NAA11: variants seen among roughly 807,000 people sequenced by gnomAD.
NAA11 encodes the protein N-alpha-acetyltransferase 11, NatA catalytic subunit, also known as N-alpha-acetyltransferase 11.
NAA11 carries 15 observed loss-of-function variants against 16.1 expected under a neutral mutation model. That is an observed-to-expected ratio of 0.93 (90% CI 0.62 to 1.44). The LOEUF is 1.44. Ranked by LOEUF, NAA11 falls within the 40% of genes most tolerant of loss-of-function variation. The pLI, the probability that NAA11 is intolerant of heterozygous loss-of-function variation, is 0.00. For missense variants in NAA11, 298 were observed against 291.3 expected, an observed-to-expected ratio of 1.02 and a Z score of -0.17; for synonymous variants, 122 against 112.4, an observed-to-expected ratio of 1.09 and a Z score of -0.54.
At chr4:79,244,182 G>A (rs1232131159) in intron 2 of NAA11, among the ~76,000 whole-genome samples, 2 of 152,204 alleles carry the variant, frequency 1.3e-5, no homozygotes, top group African/African-American at 2.4e-5. Flanking sequence ...TGGCTGCCAA[G>A]TTATCGCTTT....
intron 1 of NAA11, among the ~76,000 whole-genome samples, chr4:79,300,883 TATG>T (rs1723364935): frequency 1.3e-5 from 2 of 152,142 alleles, no homozygotes; most frequent in Non-Finnish European, 2.9e-5. Context: ...TCGTGTCAGG[TATG>T]ATAAGGGCCT....
the NAA11 span, among the ~76,000 whole-genome samples, chr4:79,182,098 C>A: frequency 1.3e-5 from 2 of 152,090 alleles, no homozygotes; most frequent in Non-Finnish European, 2.9e-5. Flanking sequence ...ACTATTAGGG[C>A]AGGGAATGTC....
At chr4:79,294,704 C>T (rs1235459276) in intron 1 of NAA11, among the ~76,000 whole-genome samples, 2 of 151,924 alleles carry the variant, frequency 1.3e-5, no homozygotes, top group Non-Finnish European at 2.9e-5. Context: ...TCTGTATCCT[C>T]GAGGAAAGAG....
At chr4:79,286,317 A>G (rs1722905574) in intron 2 of NAA11, among the ~76,000 whole-genome samples, 2 of 152,100 alleles carry the variant, frequency 1.3e-5, no homozygotes, top group Admixed American at 1.3e-4. Context: ...ATAGAAAGCA[A>G]ATATACACCA....
the NAA11 span, among the ~76,000 whole-genome samples, chr4:79,198,580 T>G: frequency 6.6e-6 from 1 of 151,932 alleles, no homozygotes; most frequent in East Asian, 1.9e-4. Flanking sequence ...CTAGTTGGCA[T>G]TTTCCACATG....
chr4:79,215,061 A>T, the NAA11 span, among the ~76,000 whole-genome samples: 8 of 152,132 alleles, frequency 5.3e-5, no homozygotes, highest in Non-Finnish European at 1.2e-4. Flanking sequence ...CTGATCATGA[A>T]TTTCTCATAT....
chr4:79,187,144 A>G, the NAA11 span, among the ~76,000 whole-genome samples: 1 of 152,208 alleles, frequency 6.6e-6, no homozygotes, highest in Non-Finnish European at 1.5e-5. Flanking sequence ...GCATTTTCTC[A>G]AATAATTTCC....
At chr4:79,274,804 A>T (rs1722609542) in intron 2 of NAA11, among the ~76,000 whole-genome samples, 1 of 152,084 alleles carries the variant, frequency 6.6e-6, no homozygotes, top group Non-Finnish European at 1.5e-5. Flanking sequence ...TATAGTCTCG[A>T]GCAGCACATT....
intron 2 of NAA11, among the ~76,000 whole-genome samples, chr4:79,265,761 T>TG (rs35528730): frequency 0.44 from 67,162 of 151,742 alleles, 15,267 homozygotes; most frequent in Middle Eastern, 0.56. Context: ...CCAGATTCTG[T>TG]GTTTTTTTTT....
intron 2 of NAA11, among the ~76,000 whole-genome samples, chr4:79,234,562 C>A (rs1383192774): frequency 1.3e-5 from 2 of 152,104 alleles, no homozygotes. Context: ...TGAATTTAGA[C>A]CACATTGCTT....
At chr4:79,190,329 C>T in the NAA11 span, among the ~76,000 whole-genome samples, 1 of 152,148 alleles carries the variant, frequency 6.6e-6, no homozygotes, top group Non-Finnish European at 1.5e-5. Context: ...TCTGTGGCCT[C>T]ATACGTAAAA....
At chr4:79,307,081 G>A (rs898093315) in intron 1 of NAA11, 1 of 152,224 alleles carries the variant, frequency 6.6e-6, no homozygotes, top group African/African-American at 2.4e-5. Context: ...CCAGTTGACA[G>A]AACTGTTTAA....
chr4:79,307,665 C>A (rs1723629783), intron 1 of NAA11, among the ~76,000 whole-genome samples: 1 of 152,086 alleles, frequency 6.6e-6, no homozygotes, highest in South Asian at 2.1e-4. Context: ...AGCTGGGAGA[C>A]ACATAAAACC....
the NAA11 span, among the ~76,000 whole-genome samples, chr4:79,206,740 G>A: frequency 1.3e-4 from 20 of 152,164 alleles, no homozygotes; most frequent in Admixed American, 5.2e-4. Context: ...AAGGGAAATC[G>A]GACACAGCAA....
chr4:79,168,922 T>C, the NAA11 span, among the ~76,000 whole-genome samples: 4 of 152,232 alleles, frequency 2.6e-5, no homozygotes, highest in Admixed American at 1.3e-4. Context: ...GGACACAAAA[T>C]CAATGTGCAG....
At position 79,326,040 on chromosome 4, in the gene NAA11, A is replaced by G. The variant is rs1724273563; in HGVS notation, c.-163T>C. 1 of 624,998 alleles carries G rather than the reference A, an allele frequency of 1.6e-6. No homozygotes were observed. Among genetic ancestry groups the G allele is most frequent in the African/African-American group, 1.8e-5 (1 of 54,168 alleles). 38.7% of individuals were successfully genotyped at this position (624,998 alleles called of 1,614,324 possible). A position where few individuals can be genotyped will look rare whatever the true frequency, so the allele number is the denominator to read the frequency against. ...GGCGGGAAGGCGGAAGGAGCAGGAG[A>G]TGGAAAAGATGGTGCCAAACTGCGG... On this transcript the variant is annotated 5_prime_UTR_variant, in exon 1 of 2. Coordinates refer to ENST00000286794, the MANE Select transcript of NAA11 (RefSeq NM_032693.3).
chr4:79,179,931 A>C, the NAA11 span, among the ~76,000 whole-genome samples: 1 of 152,164 alleles, frequency 6.6e-6, no homozygotes, highest in Non-Finnish European at 1.5e-5. Context: ...CCTTCTTCAC[A>C]AGGTCGCAGG....
rs534563733 is a variant in NAA11 at position 79,285,083 on chromosome 4, G to A, written c.*122+8922C>T. ...CAGCATTGGACAGAACCAGTAGATG[G>A]TGGTCTTAAGTTGCAAGTTGCTTTT... On this transcript the variant is annotated intron_variant and NMD_transcript_variant, in intron 2 of 2. Coordinates refer to the NAA11 transcript ENST00000511542. Among the ~76,000 whole-genome samples the A allele has an allele frequency of 5.3e-5, 8 of 152,150 alleles. No individual in the cohort carries two copies. In the South Asian group the frequency reaches 1.7e-3, roughly 32 times the overall value.
chr4:79,277,682 T>A (rs1255427778), intron 2 of NAA11, among the ~76,000 whole-genome samples: 6 of 152,068 alleles, frequency 3.9e-5, no homozygotes, highest in Non-Finnish European at 8.8e-5. Context: ...TCCGATTACC[T>A]GCTACCTGCT....
Sources: gnomAD v4.1 joint callset for allele counts (sites outside exome capture counted in the v4.1 genomes callset) on GRCh38, gnomAD v4.1.1 for gene constraint, MANE v1.5 for transcripts, NCBI Gene and HGNC (gene_info 2026-07-23, HGNC 2026-07-21) for gene names.